Variants in TNRC6B observed in about 807,000 individuals in gnomAD.
The protein encoded by TNRC6B is trinucleotide repeat containing adaptor 6B, also known as trinucleotide repeat-containing gene 6B protein.
TNRC6B carries 52 observed loss-of-function variants against 203.6 expected under a neutral mutation model. The ratio of observed to expected loss-of-function variants is 0.26; its 90% CI spans 0.20 to 0.32. The LOEUF is 0.32. Among genes scored for constraint, TNRC6B ranks in the 10% least tolerant of loss-of-function variants. The pLI is 1.00. For synonymous variants in TNRC6B, 838 were observed against 845.7 expected (o/e 0.99, Z 0.16); for missense variants, 1,923 against 2,286.2 (o/e 0.84, Z 3.24).
At chr22:40,176,668 T>G (rs2069064945), upstream of TNRC6B, among the ~76,000 whole-genome samples, 2 of 152,202 alleles carry the variant, frequency 1.3e-5, no homozygotes, top group Non-Finnish European at 2.9e-5. Context: ...AGACGTGGTG[T>G]TTTTCCTTAT....
chr22:40,165,558 A>G (rs921151754), intron 4 of TNRC6B, among the ~76,000 whole-genome samples: 3 of 152,156 alleles, frequency 2.0e-5, no homozygotes, highest in African/African-American at 4.8e-5. Context: ...TCCTACCTAT[A>G]GGCCAGTGTA....
rs1009959611 is a variant in TNRC6B at position 40,334,040 on chromosome 22, T to C, written c.*10799T>C. The C allele has an allele frequency of 1.3e-5, 2 of 152,702 alleles. No homozygotes were observed. Among genetic ancestry groups the C allele is most frequent in the African/African-American group, 2.4e-5 (1 of 41,482 alleles). The allele number at this position is 152,702 out of a possible 1,614,324, so 9.5% of individuals were successfully genotyped here. A position where few individuals can be genotyped will look rare whatever the true frequency, so the allele number is the denominator to read the frequency against. ...GCATATTATCCACCCACCTTCTGATTTGGGCACTGTTCACCTTGGAATTTT... is the reference window on the plus strand; with the variant it reads ...GCATATTATCCACCCACCTTCTGATCTGGGCACTGTTCACCTTGGAATTTT... On this transcript the variant is annotated 3_prime_UTR_variant, in exon 23 of 23. Transcript: ENST00000454349.
At chr22:40,154,306 A>T (rs2068790262) in intron 3 of TNRC6B, among the ~76,000 whole-genome samples, 1 of 151,812 alleles carries the variant, frequency 6.6e-6, no homozygotes, top group Admixed American at 6.6e-5. Flanking sequence ...TACTAAAAAA[A>T]TACAAAAATC....
intron 4 of TNRC6B, among the ~76,000 whole-genome samples, chr22:40,170,787 A>G (rs1186240081): frequency 1.5e-5 from 1 of 64,916 alleles, no homozygotes; most frequent in African/African-American, 9.8e-5. Context: ...ATGTACATAT[A>G]TGTGTGTATA....
rs771704832 is a variant in TNRC6B, at chr22:40,266,784, C to T, written c.2554C>T (p.Arg852Ter). ...GPPPPPPGNV[R>*]PSNSSWSSGP... The stretch of plus-strand genomic sequence containing the variant: ...ACCCCCACCACCTCCAGGCAACGTT[C>T]GACCTTCCAATTCCAGCTGGAGCAG... The change falls in exon 5 of 23, where the codon CGA becomes TGA. Residue 852 changes from arginine (R) to a stop codon, truncating the protein, a stop_gained. Coordinates refer to ENST00000454349, the MANE Select transcript of TNRC6B (RefSeq NM_001162501.2). LOFTEE classifies it high-confidence loss of function. 3 of 1,613,336 alleles carry T rather than the reference C, an allele frequency of 1.9e-6. No individual in the cohort carries two copies. Among genetic ancestry groups the T allele is most frequent in the Non-Finnish European group, 1.7e-6 (2 of 1,179,650 alleles).
chr22:40,170,647 G>A (rs1273380901), intron 4 of TNRC6B, among the ~76,000 whole-genome samples: 1 of 128,584 alleles, frequency 7.8e-6, no homozygotes, highest in Non-Finnish European at 1.6e-5. Flanking sequence ...ATACATATAT[G>A]TATATAAAAT....
rs1452774418 is a variant in TNRC6B at position 40,266,462 on chromosome 22, T to C, written c.2232T>C (p.Ser744=). The change falls in exon 5 of 23, where the codon TCT becomes TCC. Residue 744 remains serine (S), a synonymous_variant. Coordinates refer to ENST00000454349, the MANE Select transcript of TNRC6B (RefSeq NM_001162501.2). The stretch of plus-strand genomic sequence containing the variant: ...GCCAGCCCAATCAAGGATGGTCTTC[T>C]GGAAAGAATGGTTGGGGGGAGGAAG... ...GGRQPNQGWS[S]GKNGWGEEVD... The C allele has an allele frequency of 1.2e-6, 2 of 1,613,618 alleles. No individual in the cohort carries two copies. Among genetic ancestry groups the C allele is most frequent in the Admixed American group, 3.3e-5 (2 of 59,984 alleles).
intron 1 of TNRC6B, among the ~76,000 whole-genome samples, chr22:40,194,741 G>A (rs915544454): frequency 3.3e-5 from 5 of 152,276 alleles, no homozygotes; most frequent in South Asian, 2.1e-4. Flanking sequence ...CAGCTTCTGT[G>A]TTTACTTGTC....
chr22:40,231,416 TTCTA>T (rs1987217563), intron 1 of TNRC6B, among the ~76,000 whole-genome samples: 1 of 152,168 alleles, frequency 6.6e-6, no homozygotes, highest in Admixed American at 6.5e-5. Context: ...TTTTAAAAAT[TTCTA>T]TCCGCAATGT....
At chr22:40,082,170 T>A (rs897117219) in intron 1 of TNRC6B, among the ~76,000 whole-genome samples, 3 of 152,186 alleles carry the variant, frequency 2.0e-5, no homozygotes, top group African/African-American at 4.8e-5. Flanking sequence ...TGTTAGTAAA[T>A]TTTCAAAGTG....
intron 15 of TNRC6B, 136 bp from the exon 16 acceptor site, chr22:40,308,376 C>A (rs2071121716): frequency 3.9e-6 from 4 of 1,028,424 alleles, no homozygotes; most frequent in South Asian, 1.4e-5. Flanking sequence ...AGCTTGGAAT[C>A]AAAAATACCT....
intron 12 of TNRC6B, among the ~76,000 whole-genome samples, chr22:40,294,721 C>T (rs1408438235): frequency 6.6e-6 from 1 of 152,236 alleles, no homozygotes; most frequent in Non-Finnish European, 1.5e-5. Context: ...ACTCACCCTC[C>T]TTTCCCCCAG....
rs1417055939 is a variant in TNRC6B at position 40,193,973 on chromosome 22, T to C, written c.5+15833T>C. On this transcript the variant is annotated intron_variant, in intron 1 of 22. Coordinates refer to ENST00000454349, the MANE Select transcript of TNRC6B (RefSeq NM_001162501.2). Reference sequence around the variant, plus strand: ...TCTGTGGCTGTGCAGGGGTTTTTTTTCCCCAGCAAGGGAAGGTGAAGAACA... The same window carrying C: ...TCTGTGGCTGTGCAGGGGTTTTTTTCCCCCAGCAAGGGAAGGTGAAGAACA... Among the ~76,000 whole-genome samples, 3 of 152,152 alleles carry C rather than the reference T, an allele frequency of 2.0e-5. No individual in the cohort carries two copies. The East Asian group carries it at 5.8e-4, about 29-fold the overall frequency.
At chr22:40,155,672 A>T (rs1277927325) in intron 3 of TNRC6B, among the ~76,000 whole-genome samples, 1 of 152,220 alleles carries the variant, frequency 6.6e-6, no homozygotes, top group Non-Finnish European at 1.5e-5. Context: ...TACCCTTGTC[A>T]ACACTTGGTA....
Position 40,312,918 on chromosome 22 carries a change from C to A in TNRC6B, c.4599C>A (p.Leu1533=). 6.2e-7 allele frequency: 1 copy of A among 1,613,722 alleles called. No homozygotes were observed. The highest frequency in any genetic ancestry group is 1.3e-5 in the African/African-American group (1 of 75,056). Residue 1533 remains leucine, a synonymous_variant, in exon 19 of 23, where the codon CTC becomes CTA. Transcript: ENST00000454349. ...RDNTTGSNSS[L]NTSLPSPGAW... ...TTACCCAAGGGTCTAATTCTTCCCT[C>A]AACACCTCGCTGCCTTCACCTGGTG...
intron 12 of TNRC6B, among the ~76,000 whole-genome samples, chr22:40,292,434 G>A (rs184639382): frequency 2.6e-5 from 4 of 151,800 alleles, no homozygotes; most frequent in African/African-American, 4.8e-5. Context: ...TACCATGCCT[G>A]TTTCCTCCAG....
intron 2 of TNRC6B, among the ~76,000 whole-genome samples, chr22:40,247,727 C>T (rs1035702615): frequency 1.2e-4 from 18 of 152,120 alleles, no homozygotes; most frequent in Non-Finnish European, 2.5e-4. Flanking sequence ...TTGCTTCTCA[C>T]CTGAGTTTGT....
intron 1 of TNRC6B, among the ~76,000 whole-genome samples, chr22:40,052,444 ATTTTTTTTTTTTTT>A (rs908013463): frequency 3.9e-5 from 2 of 51,858 alleles, no homozygotes; most frequent in Non-Finnish European, 3.3e-5. Context: ...TGTGTATTGT[ATTTTTTTTTTTTTT>A]TTTTTTTTTT....
rs1473575041 is a variant in TNRC6B at position 40,331,595 on chromosome 22, T to G, written c.*8354T>G. The G allele has an allele frequency of 2.6e-6, 1 of 391,198 alleles. No individual in the cohort carries two copies. The highest frequency in any genetic ancestry group is 2.1e-5 in the African/African-American group (1 of 48,360). 24.2% of individuals were successfully genotyped at this position (391,198 alleles called of 1,614,324 possible). A position where few individuals can be genotyped will look rare whatever the true frequency, so the allele number is the denominator to read the frequency against. On this transcript the variant is annotated 3_prime_UTR_variant, in exon 23 of 23. Transcript: ENST00000454349. ...TCCTCTCTCATGGCCTTGAAATGTATTATTATGCAAATGTGAATTTTGATA... is the reference window on the plus strand; with the variant it reads ...TCCTCTCTCATGGCCTTGAAATGTAGTATTATGCAAATGTGAATTTTGATA...
Sources: allele counts gnomAD v4.1 joint callset (sites outside exome capture counted in the v4.1 genomes callset), GRCh38; gene constraint gnomAD v4.1.1; transcripts MANE v1.5; gene names NCBI Gene and HGNC (gene_info 2026-07-23, HGNC 2026-07-21).